Variants in TET3 observed in about 807,000 individuals in gnomAD.
TET3 encodes tet methylcytosine dioxygenase 3.
A neutral mutation model predicts 141.4 loss-of-function variants in TET3; 19 were observed. That is an observed-to-expected ratio of 0.13 (90% CI 0.09 to 0.20). TET3 has a LOEUF of 0.20. Among genes scored for constraint, TET3 ranks in the 10% least tolerant of loss-of-function variants. The pLI is 1.00. For missense variants in TET3, 1,874 were observed against 2,356.9 expected (o/e 0.80, Z 4.24); for synonymous variants, 1,043 against 980.9 (o/e 1.06, Z -1.18).
intron 10 of TET3, among the ~76,000 whole-genome samples, chr2:74,095,912 G>A (rs1266888799): frequency 6.6e-6 from 1 of 152,186 alleles, no homozygotes; most frequent in African/African-American, 2.4e-5. Flanking sequence ...TGGCAACACT[G>A]GATTTTGTCA....
At chr2:74,003,488 C>G (rs1407612129) in intron 3 of TET3, among the ~76,000 whole-genome samples, 1 of 131,672 alleles carries the variant, frequency 7.6e-6, no homozygotes, top group Non-Finnish European at 1.5e-5. Flanking sequence ...CTGGAAATCT[C>G]TCGAGAATGT....
intron 8 of TET3, among the ~76,000 whole-genome samples, chr2:74,092,368 G>C (rs1456816114): frequency 6.6e-6 from 1 of 152,036 alleles, no homozygotes; most frequent in Non-Finnish European, 1.5e-5. Flanking sequence ...ATAACATTAC[G>C]TAGTACGAGT....
At position 74,107,261 on chromosome 2, in the gene TET3, C is replaced by T. The variant is rs1322489549; in HGVS notation, c.*5085C>T. On this transcript the variant is annotated 3_prime_UTR_variant, in exon 12 of 12. Coordinates refer to ENST00000409262, the MANE Select transcript of TET3 (RefSeq NM_001287491.2). ...CTGCAGGCAAGAGCAGAGCAATAGGCTTCTCCCCTGAGCAGAGACCGCAGC... is the reference window on the plus strand; with the variant it reads ...CTGCAGGCAAGAGCAGAGCAATAGGTTTCTCCCCTGAGCAGAGACCGCAGC... 2 of 152,294 alleles carry T rather than the reference C, an allele frequency of 1.3e-5. No homozygotes were observed. Among genetic ancestry groups the T allele is most frequent in the African/African-American group, 2.4e-5 (1 of 41,476 alleles). 9.4% of individuals were successfully genotyped at this position (152,294 alleles called of 1,614,324 possible). A position where few individuals can be genotyped will look rare whatever the true frequency, so the allele number is the denominator to read the frequency against.
intron 4 of TET3, 129 bp from the exon 5 acceptor site, chr2:74,073,419 CA>C (rs1689321154): frequency 1.7e-6 from 1 of 575,326 alleles, no homozygotes; most frequent in African/African-American, 2.0e-5. Flanking sequence ...CACCTTTTCA[CA>C]TGTTCATAAG....
Position 74,105,279 on chromosome 2 carries a change from A to G in TET3, c.*3103A>G, listed in dbSNP as rs909715377. The stretch of plus-strand genomic sequence containing the variant: ...CCAGTGTGCCCTGTCCACGGACACC[A>G]TCCACGTGCAGTGCAAACATTTGGT... On this transcript the variant is annotated 3_prime_UTR_variant, in exon 12 of 12. Transcript: ENST00000409262. 1.0e-5 allele frequency: 4 copies of G among 398,504 alleles called. No individual in the cohort carries two copies. Among genetic ancestry groups the G allele is most frequent in the Non-Finnish European group, 1.8e-5 (4 of 226,074 alleles). 24.7% of individuals were successfully genotyped at this position (398,504 alleles called of 1,614,324 possible). A position where few individuals can be genotyped will look rare whatever the true frequency, so the allele number is the denominator to read the frequency against.
rs980089405 is a variant in TET3, at chr2:74,099,278, C to T, written c.3270C>T (p.Val1090=). The T allele has an allele frequency of 6.3e-7, 1 of 1,590,044 alleles. No homozygotes were observed. The highest frequency in any genetic ancestry group is 1.3e-5 in the African/African-American group (1 of 74,360). ...CTCTCCCCCACTGCTTGGGGCAGGTCTGCACCCTGACCAAGGAAGACAATC... is the reference window on the plus strand; with the variant it reads ...CTCTCCCCCACTGCTTGGGGCAGGTTTGCACCCTGACCAAGGAAGACAATC... ...QHNLYNGCTV[V]CTLTKEDNRC... Residue 1090 remains valine, a splice_region_variant and synonymous_variant, in exon 11 of 12, where the codon GTC becomes GTT. Transcript: ENST00000409262.
At chr2:74,084,288 C>T (rs1689992128) in intron 6 of TET3, among the ~76,000 whole-genome samples, 1 of 152,178 alleles carries the variant, frequency 6.6e-6, no homozygotes, top group Non-Finnish European at 1.5e-5. Context: ...AGGATAAATA[C>T]TGTATGATTC....
At chr2:74,039,459 T>C (rs1687232666) in intron 3 of TET3, among the ~76,000 whole-genome samples, 1 of 152,200 alleles carries the variant, frequency 6.6e-6, no homozygotes, top group South Asian at 2.1e-4. Flanking sequence ...TTGACTTATA[T>C]ATAGGCCTTT....
intron 4 of TET3, among the ~76,000 whole-genome samples, chr2:74,054,924 C>G (rs985038921): frequency 6.6e-6 from 1 of 152,114 alleles, no homozygotes; most frequent in Non-Finnish European, 1.5e-5. Flanking sequence ...GAGATGGGGT[C>G]TCACTGTGTC....
chr2:74,080,234 CG>C (rs1558775276), intron 5 of TET3, among the ~76,000 whole-genome samples: 1 of 152,212 alleles, frequency 6.6e-6, no homozygotes, highest in Non-Finnish European at 1.5e-5. Context: ...ACATTCTGCT[CG>C]GCTGTCTTTC....
chr2:74,069,145 AT>A (rs11322446), intron 4 of TET3, among the ~76,000 whole-genome samples: 51,556 of 148,540 alleles, frequency 0.35, 10,010 homozygotes, highest in African/African-American at 0.53. Context: ...GTATAGTTTA[AT>A]TTTTTTTTTT....
chr2:74,045,207 G>C (rs778520647), intron 3 of TET3, among the ~76,000 whole-genome samples: 15 of 152,138 alleles, frequency 9.9e-5, no homozygotes, highest in Non-Finnish European at 2.2e-4. Context: ...TCTCAGTATT[G>C]GTGATGATTG....
chr2:73,992,996 TAGAG>T (rs954504651), intron 2 of TET3, among the ~76,000 whole-genome samples: 76 of 152,306 alleles, frequency 5.0e-4, no homozygotes, highest in South Asian at 2.1e-4. Flanking sequence ...AAAGTCATCT[TAGAG>T]AGGGAGGCCA....
chr2:74,092,183 C>G (rs561479956), intron 8 of TET3, among the ~76,000 whole-genome samples: 2 of 152,204 alleles, frequency 1.3e-5, no homozygotes, highest in East Asian at 3.9e-4. Context: ...CACCTCTAAT[C>G]CCAGCTACTC....
In TET3 at chr2:74,101,004, C is replaced by G. The variant is rs771875478; in HGVS notation, c.4216C>G (p.Gln1406Glu). ...IKQEPVDPLTQAEPVPRDAGK... is the reference protein window; with the variant it reads ...IKQEPVDPLTEAEPVPRDAGK... The stretch of plus-strand genomic sequence containing the variant: ...GCAAGAGCCAGTAGACCCGCTGACC[C>G]AGGCTGAGCCTGTGCCCAGAGACGC... The change falls in exon 12 of 12, where the codon CAG (glutamine) becomes GAG (glutamate). Residue 1406 changes from glutamine to glutamate, a missense_variant. Gln to Glu is a conservative substitution (Grantham distance 29). Transcript: ENST00000409262. The surrounding 1 kb of genome is among the most constrained non-coding windows in gnomAD (Gnocchi z 8.5). 6.2e-7 allele frequency: 1 copy of G among 1,613,000 alleles called. No individual in the cohort carries two copies. Among genetic ancestry groups the G allele is most frequent in the Non-Finnish European group, 8.5e-7 (1 of 1,179,544 alleles).
intron 3 of TET3, among the ~76,000 whole-genome samples, chr2:74,010,993 T>C (rs1053209135): frequency 2.0e-5 from 3 of 152,092 alleles, no homozygotes; most frequent in Admixed American, 2.0e-4. Flanking sequence ...ATCCCAGCAC[T>C]TTGGGAGGCT....
At chr2:74,042,416 C>T (rs1013670607) in intron 3 of TET3, among the ~76,000 whole-genome samples, 1 of 152,200 alleles carries the variant, frequency 6.6e-6, no homozygotes, top group Non-Finnish European at 1.5e-5. Context: ...AGCCACTGCT[C>T]AGTTACAGAC....
the TET3 span, among the ~76,000 whole-genome samples, chr2:74,119,287 A>G: frequency 6.7e-6 from 1 of 149,696 alleles, no homozygotes; most frequent in East Asian, 2.0e-4. Context: ...GGGGAGGCGG[A>G]GGTTGCAGTG....
chr2:74,094,480 C>T (rs1436428443), intron 10 of TET3, among the ~76,000 whole-genome samples: 1 of 152,160 alleles, frequency 6.6e-6, no homozygotes, highest in African/African-American at 2.4e-5. Flanking sequence ...TTGAGGGCTT[C>T]TCAGCTGGGC....
Sources: allele counts gnomAD v4.1 joint callset (sites outside exome capture counted in the v4.1 genomes callset), GRCh38; gene constraint gnomAD v4.1.1; non-coding constraint Gnocchi (gnomAD v3.1); transcripts MANE v1.5; gene names NCBI Gene and HGNC (gene_info 2026-07-23, HGNC 2026-07-21).